Variants in MYBPC3 observed in about 807,000 individuals in gnomAD.
The protein encoded by MYBPC3 is myosin binding protein C3.
A neutral mutation model predicts 159.3 loss-of-function variants in MYBPC3; 108 were observed. The observed-to-expected ratio is 0.68, with a 90% CI of 0.58 to 0.80. The LOEUF (loss-of-function observed/expected upper bound fraction) is 0.80, where lower values mean the gene tolerates loss of function less well. Among genes scored for constraint, MYBPC3 ranks in the 30% least tolerant of loss-of-function variants. The pLI is 0.00. For missense variants in MYBPC3, 1,631 were observed against 1,762.1 expected (o/e 0.93, Z 1.33); for synonymous variants, 730 against 702.0 (o/e 1.04, Z -0.63).
At position 47,338,478 on chromosome 11, in the gene MYBPC3, T is replaced by TG; in HGVS notation, c.2308+41dup. 6.2e-7 allele frequency: 1 copy of TG among 1,613,038 alleles called. No individual in the cohort carries two copies. On this transcript the variant is annotated intron_variant, in intron 23 of 34. Coordinates refer to ENST00000545968, the MANE Select transcript of MYBPC3 (RefSeq NM_000256.3). This position sits in a 1 kb window ranked among gnomAD's most constrained non-coding sequence, Gnocchi z 4.7. ...CGAACGGATGGGCCCTCCTTGGGGC[T>TG]GCCCCTCTGTGTTCTCCAGCTTGGA... is the stretch of plus-strand genomic sequence containing the variant.
chr11:47,339,076 A>G (rs932834381), intron 22 of MYBPC3, among the ~76,000 whole-genome samples: 1 of 152,048 alleles, frequency 6.6e-6, no homozygotes, highest in Non-Finnish European at 1.5e-5. Flanking sequence ...GAAGGGAGCC[A>G]GGGAGCAGCC....
In MYBPC3 at chr11:47,339,373, T is replaced by A. The variant is rs746198398; in HGVS notation, c.2099A>T (p.Asp700Val). 1.2e-6 allele frequency: 2 copies of A among 1,614,030 alleles called. No homozygotes were observed. Among genetic ancestry groups the A allele is most frequent in the East Asian group, 4.5e-5 (2 of 44,882 alleles). ...GCTGTCACCTGTGTCCTCTGGGGCA[T>A]CTGGGGCTGGCCTGGCTGGGGCCTT... ...GNKAPARPAP[D>V]APEDTGDSDE... Residue 700 changes from aspartate to valine, a missense_variant, in exon 22 of 35, where the codon GAT becomes GTT. Physicochemically the swap from Asp to Val is radical, Grantham distance 152 (BLOSUM62 -3). Transcript: ENST00000545968.
In MYBPC3 at chr11:47,343,479, C is replaced by G; in HGVS notation, c.1223+13G>C. 6.4e-7 allele frequency: 1 copy of G among 1,572,356 alleles called. No individual in the cohort carries two copies. Reference sequence around the variant, plus strand: ...ACCTCCACCCGAGCCCCCCTCCCCACCCCAGGCTGCACCTGCCGCTCATCT... The same window carrying G: ...ACCTCCACCCGAGCCCCCCTCCCCAGCCCAGGCTGCACCTGCCGCTCATCT... On this transcript the variant is annotated intron_variant, in intron 13 of 34. Coordinates refer to ENST00000545968, the MANE Select transcript of MYBPC3 (RefSeq NM_000256.3).
In MYBPC3 at chr11:47,333,271, C is replaced by T; in HGVS notation, c.3253G>A (p.Glu1085Lys). The T allele has an allele frequency of 6.3e-7, 1 of 1,589,504 alleles. No individual in the cohort carries two copies. The highest frequency in any genetic ancestry group is 1.1e-5 in the South Asian group (1 of 87,332). ...TDAWGLNVAL[E>K]WKPPQDVGNT... ...CCGACATCCTGGGGTGGCTTCCACT[C>T]CAGAGCCACATTAAGACCCCAGGCG... is the stretch of plus-strand genomic sequence containing the variant. Residue 1085 changes from glutamate (E) to lysine (K), a missense_variant, in exon 30 of 35, where the codon GAG becomes AAG. Transcript: ENST00000545968.
chr11:47,337,706 G>A lies in MYBPC3; in HGVS notation c.2397C>T (p.Gly799=), dbSNP rs756512665. The A allele has an allele frequency of 1.7e-5, 27 of 1,576,152 alleles. No individual in the cohort carries two copies. The South Asian group carries it at 2.8e-4, about 16-fold the overall frequency. ...TGCACTCACCCAGGATGGGCTGCCC[G>A]CCATCGTAGGCAGGCGGCTCCCACT... ...TVQWEPPAYD[G]GQPILGYILE... Residue 799 remains glycine, a synonymous_variant, in exon 24 of 35, where the codon GGC becomes GGT. Coordinates refer to ENST00000545968, the MANE Select transcript of MYBPC3 (RefSeq NM_000256.3).
chr11:47,345,901 C>A (rs891973770), intron 12 of MYBPC3, among the ~76,000 whole-genome samples: 2 of 152,124 alleles, frequency 1.3e-5, no homozygotes, highest in African/African-American at 4.8e-5. Context: ...TTAACCTGAG[C>A]TCTGTCCTTT....
intron 3 of MYBPC3, 73 bp downstream of exon 3, chr11:47,350,429 C>A: frequency 6.6e-7 from 1 of 1,525,804 alleles, no homozygotes; most frequent in Non-Finnish European, 8.8e-7. Context: ...CCTGGCCCAG[C>A]AAAGGCTTTT....
At chr11:47,337,204 A>G (rs929959750) in intron 25 of MYBPC3, among the ~76,000 whole-genome samples, 187 bp downstream of exon 25, 26 of 152,182 alleles carry the variant, frequency 1.7e-4, no homozygotes, top group Non-Finnish European at 4.4e-5. Context: ...GGAGATCTCA[A>G]GCAGGTCATT....
At position 47,338,422 on chromosome 11, in the gene MYBPC3, G is replaced by T; in HGVS notation, c.2308+98C>A. 1.3e-6 allele frequency: 2 copies of T among 1,543,826 alleles called. No individual in the cohort carries two copies. The highest frequency in any genetic ancestry group is 1.8e-6 in the Non-Finnish European group (2 of 1,132,718). Reference sequence around the variant, plus strand: ...TGTTGCCGCTCGGCTCAGGGAGCATGCCCGTGATGTTTGTCGAGTGGCTGA... The same window carrying T: ...TGTTGCCGCTCGGCTCAGGGAGCATTCCCGTGATGTTTGTCGAGTGGCTGA... On this transcript the variant is annotated intron_variant, in intron 23 of 34. Transcript: ENST00000545968. This position sits in a 1 kb window ranked among gnomAD's most constrained non-coding sequence, Gnocchi z 4.7.
At chr11:47,343,703 G>A in intron 12 of MYBPC3, 79 bp from the exon 13 acceptor site, 2 of 1,435,976 alleles carry the variant, frequency 1.4e-6, no homozygotes, top group Non-Finnish European at 1.8e-6. Flanking sequence ...GGCTGTGGCT[G>A]GGGCCCAGGT....
chr11:47,333,097 G>A (rs962895525), intron 30 of MYBPC3, 97 bp downstream of exon 30: 2 of 1,523,404 alleles, frequency 1.3e-6, no homozygotes, highest in Admixed American at 2.0e-5. Context: ...CAGAGGGAGG[G>A]TGAGGGGTCC....
intron 25 of MYBPC3, chr11:47,336,503 A>AC (rs1194629082): frequency 1.4e-5 from 2 of 138,924 alleles, no homozygotes; most frequent in Non-Finnish European, 3.3e-5. Flanking sequence ...AAAAAAAAAA[A>AC]AAAAAAAAAA....
chr11:47,339,490 C>T, intron 21 of MYBPC3, 86 bp from the exon 22 acceptor site: 3 of 1,509,480 alleles, frequency 2.0e-6, no homozygotes, highest in Non-Finnish European at 2.7e-6. Context: ...CACCCCCTGA[C>T]CCACACTGCC....
chr11:47,331,531 G>C lies in MYBPC3; in HGVS notation c.*212C>G, dbSNP rs2095874401. The C allele has an allele frequency of 3.5e-6, 1 of 284,282 alleles. No individual in the cohort carries two copies. 17.6% of individuals were successfully genotyped at this position (284,282 alleles called of 1,614,324 possible). On this transcript the variant is annotated 3_prime_UTR_variant, in exon 35 of 35. Transcript: ENST00000545968. ...ACCCTCCTTTTACCCCAAAGATCCA[G>C]GGGCTTCCTTCAGGAGCCCTGTGGA...
Position 47,348,475 on chromosome 11 carries a change from C to G in MYBPC3, c.721G>C (p.Val241Leu), listed in dbSNP as rs886039000. ...CAGTCAAATTTGTCCTTGGTGGACA[C>G]CTCACAGCGGTAGCTGCCAGTGAAG... ...PAFTGSYRCE[V>L]STKDKFDCSN... The change falls in exon 6 of 35, where the codon GTG becomes CTG. Residue 241 changes from valine to leucine, a missense_variant. Coordinates refer to ENST00000545968, the MANE Select transcript of MYBPC3 (RefSeq NM_000256.3). 1.7e-5 allele frequency: 28 copies of G among 1,613,390 alleles called. No individual in the cohort carries two copies. The highest frequency in any genetic ancestry group is 2.3e-5 in the Non-Finnish European group (27 of 1,179,708).
chr11:47,351,541 T>A lies in MYBPC3; in HGVS notation c.26-36A>T. The A allele has an allele frequency of 6.5e-7, 1 of 1,544,756 alleles. No homozygotes were observed. Among genetic ancestry groups the A allele is most frequent in the South Asian group, 1.2e-5 (1 of 81,298 alleles). Reference sequence around the variant, plus strand: ...AGGTGGAGGCTACAGCGGCCCCTGGTTGGAGCGTGCACCCCGCCCCTGCAG... The same window carrying A: ...AGGTGGAGGCTACAGCGGCCCCTGGATGGAGCGTGCACCCCGCCCCTGCAG... On this transcript the variant is annotated intron_variant, in intron 1 of 34. Coordinates refer to ENST00000545968, the MANE Select transcript of MYBPC3 (RefSeq NM_000256.3). This position sits in a 1 kb window ranked among gnomAD's most constrained non-coding sequence, Gnocchi z 4.2.
chr11:47,341,187 A>G lies in MYBPC3; in HGVS notation c.1848T>C (p.Phe616=). The part of the protein sequence containing the change: ...VTPADEADYS[F]VPEGFACNLS... The stretch of plus-strand genomic sequence containing the variant: ...GGTTGCAGGCGAAGCCCTCGGGCAC[A>G]AAGCTGTAGTCAGCCTCGTCGGCAG... The change falls in exon 19 of 35, where the codon TTT becomes TTC. Residue 616 remains phenylalanine, a synonymous_variant. Coordinates refer to ENST00000545968, the MANE Select transcript of MYBPC3 (RefSeq NM_000256.3). The G allele has an allele frequency of 3.1e-6, 5 of 1,602,306 alleles. No individual in the cohort carries two copies. Among genetic ancestry groups the G allele is most frequent in the Admixed American group, 3.4e-5 (2 of 58,432 alleles).
intron 12 of MYBPC3, among the ~76,000 whole-genome samples, chr11:47,344,033 C>T (rs1375528345): frequency 6.6e-6 from 1 of 152,222 alleles, no homozygotes; most frequent in Non-Finnish European, 1.5e-5. Context: ...AGGTGATGCG[C>T]CCGCCTCAGC....
In MYBPC3 at chr11:47,343,126, C is replaced by G. The variant is rs371513491; in HGVS notation, c.1246G>C (p.Gly416Arg). ...CTGATGGTCAGGGTACGCTTGGCAC[C>G]GATGGACTCAAAGATGTACCTGGGT... ...SGSKYIFESI[G>R]AKRTLTISQC... The change falls in exon 15 of 35, where the codon GGT becomes CGT. Residue 416 changes from glycine (G) to arginine (R), a missense_variant. Coordinates refer to ENST00000545968, the MANE Select transcript of MYBPC3 (RefSeq NM_000256.3). The G allele has an allele frequency of 6.2e-7, 1 of 1,611,562 alleles. No individual in the cohort carries two copies. Among genetic ancestry groups the G allele is most frequent in the Non-Finnish European group, 8.5e-7 (1 of 1,178,972 alleles).
Sources: allele counts gnomAD v4.1 joint callset (sites outside exome capture counted in the v4.1 genomes callset), GRCh38; gene constraint gnomAD v4.1.1; non-coding constraint Gnocchi (gnomAD v3.1); transcripts MANE v1.5; gene names NCBI Gene and HGNC (gene_info 2026-07-23, HGNC 2026-07-21).